ITPK1: variants seen among roughly 807,000 people sequenced by gnomAD.
The protein encoded by ITPK1 is inositol-tetrakisphosphate 1-kinase.
A neutral mutation model predicts 45.3 loss-of-function variants in ITPK1; 21 were observed. That is an observed-to-expected ratio of 0.46 (90% CI 0.33 to 0.67). ITPK1 has a LOEUF of 0.67. Among genes scored for constraint, ITPK1 ranks in the 30% least tolerant of loss-of-function variants. ITPK1 has a pLI of 0.02. For synonymous variants in ITPK1, 258 were observed against 253.6 expected, an observed-to-expected ratio of 1.02 and a Z score of -0.16; for missense variants, 474 against 573.5, an observed-to-expected ratio of 0.83 and a Z score of 1.77.
intron 2 of ITPK1, among the ~76,000 whole-genome samples, chr14:93,097,457 CAG>C (rs907899539): frequency 6.6e-6 from 1 of 152,150 alleles, no homozygotes; most frequent in Non-Finnish European, 1.5e-5. Flanking sequence ...AGCCCCAGGG[CAG>C]AGACCCCTTA....
At chr14:93,077,603 C>A (rs961295004) in intron 2 of ITPK1, among the ~76,000 whole-genome samples, 2 of 152,234 alleles carry the variant, frequency 1.3e-5, no homozygotes, top group Non-Finnish European at 2.9e-5. Flanking sequence ...CAGGCGCGAG[C>A]CACCACGTCC....
intron 2 of ITPK1, among the ~76,000 whole-genome samples, chr14:93,087,716 G>A (rs1891703821): frequency 1.3e-5 from 2 of 152,202 alleles, no homozygotes; most frequent in Admixed American, 6.5e-5. Context: ...GACATCGCCT[G>A]GAAGCATTCA....
chr14:92,945,328 G>A (rs1210805369), intron 10 of ITPK1, among the ~76,000 whole-genome samples: 4 of 152,240 alleles, frequency 2.6e-5, no homozygotes, highest in African/African-American at 7.2e-5. Context: ...ACGAGCGGAG[G>A]TGACACACAC....
chr14:93,066,328 G>A (rs762539157), intron 3 of ITPK1: 2 of 449,812 alleles, frequency 4.4e-6, no homozygotes, highest in South Asian at 3.1e-5. Context: ...GTATGTGTGT[G>A]TGTGTGTGTG....
chr14:93,024,945 C>T (rs1159554466), intron 3 of ITPK1, among the ~76,000 whole-genome samples: 2 of 152,092 alleles, frequency 1.3e-5, no homozygotes, highest in African/African-American at 4.8e-5. Flanking sequence ...GGGGAGCTAT[C>T]ATGTGGTCCG....
chr14:93,033,728 T>C (rs1434653238), intron 3 of ITPK1, among the ~76,000 whole-genome samples: 1 of 151,912 alleles, frequency 6.6e-6, no homozygotes, highest in Non-Finnish European at 1.5e-5. Flanking sequence ...CACCCACTGG[T>C]CCCCAGGGCC....
At chr14:92,981,270 C>A (rs1157880207) in intron 5 of ITPK1, among the ~76,000 whole-genome samples, 1 of 152,244 alleles carries the variant, frequency 6.6e-6, no homozygotes, top group Non-Finnish European at 1.5e-5. Flanking sequence ...GAAGCCACAG[C>A]AGCCTCCCAA....
At chr14:92,995,936 T>C (rs570472375) in intron 4 of ITPK1, among the ~76,000 whole-genome samples, 3 of 152,212 alleles carry the variant, frequency 2.0e-5, no homozygotes, top group Non-Finnish European at 4.4e-5. Flanking sequence ...CTCGTCTCAT[T>C]TGGGAGCTCT....
intron 8 of ITPK1, among the ~76,000 whole-genome samples, chr14:92,952,466 C>T (rs1290388952): frequency 6.6e-6 from 1 of 152,172 alleles, no homozygotes; most frequent in African/African-American, 2.4e-5. Flanking sequence ...ATGCTAGAGA[C>T]ATAGGGACAG....
intron 2 of ITPK1, among the ~76,000 whole-genome samples, chr14:93,082,940 A>G (rs1402507724): frequency 6.6e-6 from 1 of 152,180 alleles, no homozygotes; most frequent in South Asian, 2.1e-4. Flanking sequence ...CTAGACCTTC[A>G]GCTGCAGATT....
At chr14:93,055,221 C>T (rs1203714821) in intron 3 of ITPK1, among the ~76,000 whole-genome samples, 5 of 152,208 alleles carry the variant, frequency 3.3e-5, no homozygotes, top group African/African-American at 9.6e-5. Context: ...AATGGGCATG[C>T]GTGCTGTCTC....
intron 2 of ITPK1, among the ~76,000 whole-genome samples, chr14:93,112,960 G>A (rs1892810371): frequency 6.6e-6 from 1 of 152,198 alleles, no homozygotes; most frequent in Non-Finnish European, 1.5e-5. Context: ...AACAGTTGCA[G>A]CATTTTGCAG....
At chr14:93,052,934 C>T (rs1890075076) in intron 3 of ITPK1, among the ~76,000 whole-genome samples, 1 of 142,650 alleles carries the variant, frequency 7.0e-6, no homozygotes, top group South Asian at 2.2e-4. Flanking sequence ...TCCACATGGA[C>T]ACAGGAAGGG....
rs561691649 is a variant in ITPK1 at position 93,012,987 on chromosome 14, C to T, written c.246+3689G>A. Among the ~76,000 whole-genome samples, 9 of 152,164 alleles carry T rather than the reference C, an allele frequency of 5.9e-5. No homozygotes were observed. The East Asian group carries it at 1.2e-3, about 20-fold the overall frequency. On this transcript the variant is annotated intron_variant, in intron 4 of 10. Coordinates refer to ENST00000267615, the MANE Select transcript of ITPK1 (RefSeq NM_014216.6). The surrounding 1 kb of genome is among the most constrained non-coding windows in gnomAD (Gnocchi z 4.9). ...CCCACACCTGTCAGGTGGCTCTGGG[C>T]GCCACAGCGAGGAGAAGGCTCGTGT...
intron 3 of ITPK1, among the ~76,000 whole-genome samples, chr14:93,058,917 A>G (rs890881872): frequency 1.2e-3 from 1 of 824 alleles, no homozygotes; most frequent in African/African-American, 6.7e-3. Context: ...GGCGGGGTGG[A>G]GGGGGTGCGG....
chr14:92,996,769 C>A (rs1410171900), intron 4 of ITPK1, among the ~76,000 whole-genome samples: 1 of 152,128 alleles, frequency 6.6e-6, no homozygotes, highest in Non-Finnish European at 1.5e-5. Context: ...TCACTCCCTT[C>A]CCCTAAACAC....
chr14:92,983,777 T>C (rs1886349458), intron 5 of ITPK1, among the ~76,000 whole-genome samples: 1 of 151,950 alleles, frequency 6.6e-6, no homozygotes, highest in African/African-American at 2.4e-5. Context: ...GGATTAATTA[T>C]GCAGAAATAT....
At position 93,095,572 on chromosome 14, in the gene ITPK1, AG is replaced by A. The variant is rs1892043351; in HGVS notation, c.96-18954del. On this transcript the variant is annotated intron_variant, in intron 2 of 10. Coordinates refer to ENST00000267615, the MANE Select transcript of ITPK1 (RefSeq NM_014216.6). ...AAAGGGTCACCTAGAGTCACGGACT[AG>A]GTTTTTTTTTTTTTTTTTTAATAAA... Among the ~76,000 whole-genome samples, 4 of 122,296 alleles carry A rather than the reference AG, an allele frequency of 3.3e-5. No individual in the cohort carries two copies. The Admixed American group carries it at 3.5e-4, about 11-fold the overall frequency. 80.2% of individuals were successfully genotyped at this position (122,296 alleles called of 152,430 possible).
At chr14:92,977,472 A>C (rs888570402) in intron 5 of ITPK1, among the ~76,000 whole-genome samples, 1 of 152,188 alleles carries the variant, frequency 6.6e-6, no homozygotes, top group African/African-American at 2.4e-5. Context: ...ATCAGCAGCA[A>C]ACTTCTAAGC....
Sources: allele counts gnomAD v4.1 joint callset (sites outside exome capture counted in the v4.1 genomes callset), GRCh38; gene constraint gnomAD v4.1.1; non-coding constraint Gnocchi (gnomAD v3.1); transcripts MANE v1.5; gene names NCBI Gene and HGNC (gene_info 2026-07-23, HGNC 2026-07-21).